Variants in CCDC91 observed in about 807,000 individuals in gnomAD.
CCDC91 encodes coiled-coil domain containing 91.
In CCDC91, 48 loss-of-function variants were observed where a neutral mutation model predicts 63.2. The observed-to-expected ratio is 0.76, with a 90% CI of 0.60 to 0.97. The LOEUF (loss-of-function observed/expected upper bound fraction) is 0.97, where lower values mean the gene tolerates loss of function less well. Ranked by LOEUF, CCDC91 falls within the 50% of genes least tolerant of loss-of-function variation. The probability of loss-of-function intolerance (pLI) is 0.00; values close to 1 mark genes in which losing one functional copy is unlikely to be tolerated. For synonymous variants in CCDC91, 167 were observed against 165.8 expected (o/e 1.01, Z -0.06); for missense variants, 500 against 494.6 (o/e 1.01, Z -0.10).
chr12:28,536,028 CAAA>C (rs35608455), intron 12 of CCDC91, among the ~76,000 whole-genome samples: 1 of 117,310 alleles, frequency 8.5e-6, no homozygotes, highest in Non-Finnish European at 1.8e-5. Flanking sequence ...GACTCCATCT[CAAA>C]AAAAAAAAAA....
intron 11 of CCDC91, among the ~76,000 whole-genome samples, chr12:28,453,024 A>G (rs1026401096): frequency 6.6e-6 from 1 of 151,902 alleles, no homozygotes; most frequent in African/African-American, 2.4e-5. Context: ...AATACAAAAT[A>G]ATATATTTGT....
chr12:28,522,175 G>C (rs1940754749), intron 12 of CCDC91, among the ~76,000 whole-genome samples: 1 of 152,154 alleles, frequency 6.6e-6, no homozygotes. Flanking sequence ...ACCTCTGGTA[G>C]AATTCGGCTG....
At chr12:28,510,570 T>A (rs994228525) in intron 12 of CCDC91, among the ~76,000 whole-genome samples, 2 of 151,926 alleles carry the variant, frequency 1.3e-5, no homozygotes, top group Non-Finnish European at 2.9e-5. Context: ...GGGCAGGCAG[T>A]CTGCTTTACT....
At chr12:28,421,312 A>G (rs75863153) in intron 8 of CCDC91, among the ~76,000 whole-genome samples, 1,932 of 152,150 alleles carry the variant, frequency 0.013, 48 homozygotes, top group African/African-American at 0.044. Context: ...GCACCCAGGT[A>G]ATAAGCCTAG....
chr12:28,342,634 C>G (rs1451958318), intron 6 of CCDC91, among the ~76,000 whole-genome samples: 1 of 151,718 alleles, frequency 6.6e-6, no homozygotes, highest in Non-Finnish European at 1.5e-5. Context: ...GAAAGAGAGG[C>G]CTTGAAGGTT....
chr12:28,480,822 A>G (rs1328060366), intron 11 of CCDC91, among the ~76,000 whole-genome samples: 1 of 152,032 alleles, frequency 6.6e-6, no homozygotes, highest in African/African-American at 2.4e-5. Context: ...TAAATAACTG[A>G]GCTATGTTTA....
chr12:28,547,587 T>C (rs144014502), intron 12 of CCDC91, among the ~76,000 whole-genome samples: 2,503 of 152,098 alleles, frequency 0.016, 26 homozygotes, highest in South Asian at 0.029. Flanking sequence ...CTTATAAGCA[T>C]AAGGTATGTA....
chr12:28,353,617 GA>G (rs1943327847), intron 6 of CCDC91, among the ~76,000 whole-genome samples: 1 of 152,188 alleles, frequency 6.6e-6, no homozygotes, highest in African/African-American at 2.4e-5. Context: ...CTCTAGGAGA[GA>G]GGGGTAGATG....
intron 6 of CCDC91, among the ~76,000 whole-genome samples, chr12:28,352,914 T>C (rs1318608557): frequency 1.3e-5 from 2 of 152,200 alleles, no homozygotes; most frequent in Non-Finnish European, 2.9e-5. Context: ...CCTTTCAAAC[T>C]TTGAAGCCAG....
chr12:28,255,310 T>C (rs1946373550), intron 1 of CCDC91, among the ~76,000 whole-genome samples: 1 of 152,222 alleles, frequency 6.6e-6, no homozygotes, highest in African/African-American at 2.4e-5. Context: ...TTCCATTCTT[T>C]TGAAACCATA....
chr12:28,458,695 T>C (rs1950173264), intron 11 of CCDC91, among the ~76,000 whole-genome samples: 2 of 151,854 alleles, frequency 1.3e-5, no homozygotes, highest in South Asian at 4.2e-4. Flanking sequence ...AAATTACTGG[T>C]CTCAAACTAC....
chr12:28,201,388 C>CG, intron 1 of CCDC91, among the ~76,000 whole-genome samples: 1 of 137,876 alleles, frequency 7.3e-6, no homozygotes, highest in East Asian at 2.0e-4. Flanking sequence ...ACATCCCAGG[C>CG]GGGGCAGCGG....
chr12:28,329,820 G>T (rs1167979809), intron 6 of CCDC91, among the ~76,000 whole-genome samples: 1 of 152,108 alleles, frequency 6.6e-6, no homozygotes, highest in East Asian at 1.9e-4. Flanking sequence ...CTGTGTCCAG[G>T]TGTTCTCATT....
intron 1 of CCDC91, among the ~76,000 whole-genome samples, chr12:28,224,466 A>G (rs1044515343): frequency 2.0e-5 from 3 of 152,138 alleles, no homozygotes; most frequent in Non-Finnish European, 4.4e-5. Context: ...CTCTCTGTAT[A>G]GAAATTTCCA....
chr12:28,219,413 A>C (rs192268755), intron 1 of CCDC91, among the ~76,000 whole-genome samples: 6 of 149,924 alleles, frequency 4.0e-5, no homozygotes, highest in African/African-American at 1.5e-4. Flanking sequence ...AACAGTATAC[A>C]TTTTTAATTT....
At chr12:28,407,852 T>C (rs1947048875) in intron 8 of CCDC91, among the ~76,000 whole-genome samples, 1 of 151,942 alleles carries the variant, frequency 6.6e-6, no homozygotes, top group Non-Finnish European at 1.5e-5. Context: ...TCAATGTTAG[T>C]TTAACTTTTA....
At chr12:28,534,438 A>G (rs1941991266) in intron 12 of CCDC91, among the ~76,000 whole-genome samples, 1 of 152,200 alleles carries the variant, frequency 6.6e-6, no homozygotes, top group Admixed American at 6.6e-5. Flanking sequence ...AGTAAGGTGA[A>G]GTTCTACAAG....
intron 6 of CCDC91, among the ~76,000 whole-genome samples, chr12:28,338,995 C>A (rs1216858896): frequency 1.3e-5 from 2 of 152,044 alleles, no homozygotes; most frequent in Non-Finnish European, 2.9e-5. Context: ...CATGCACTAC[C>A]ATGCCTAGCT....
At chr12:28,507,080 G>A (rs1319049114) in intron 12 of CCDC91, among the ~76,000 whole-genome samples, 2 of 152,020 alleles carry the variant, frequency 1.3e-5, no homozygotes, top group Middle Eastern at 3.4e-3. Context: ...ATATCTTAGT[G>A]AAGCACAGTC....
Sources: allele counts gnomAD v4.1 joint callset (sites outside exome capture counted in the v4.1 genomes callset), GRCh38; gene constraint gnomAD v4.1.1; transcripts MANE v1.5; gene names NCBI Gene and HGNC (gene_info 2026-07-23, HGNC 2026-07-21).